Variants in ANK3 observed in about 807,000 individuals in gnomAD.
The protein encoded by ANK3 is ankyrin-3.
A neutral mutation model predicts 370.9 loss-of-function variants in ANK3; 57 were observed. The observed-to-expected ratio is 0.15, with a 90% confidence interval of 0.12 to 0.19. ANK3 has a LOEUF of 0.19. Ranked by LOEUF, ANK3 falls within the 10% of genes least tolerant of loss-of-function variation. ANK3 has a pLI of 1.00. For synonymous variants in ANK3, 1,929 were observed against 1,946.3 expected, an observed-to-expected ratio of 0.99 and a Z score of 0.23; for missense variants, 4,439 against 5,302.1, an observed-to-expected ratio of 0.84 and a Z score of 5.06.
chr10:60,302,414 A>G (rs1490157179), intron 1 of ANK3, among the ~76,000 whole-genome samples: 1 of 152,212 alleles, frequency 6.6e-6, no homozygotes, highest in East Asian at 1.9e-4. Context: ...ATGATATATT[A>G]TATCAGCTAT....
In ANK3 at chr10:60,076,455, C is replaced by A; in HGVS notation, c.4433-7G>T. 6.5e-7 allele frequency: 1 copy of A among 1,543,488 alleles called. No homozygotes were observed. On this transcript the variant is annotated splice_region_variant and splice_polypyrimidine_tract_variant and intron_variant, in intron 36 of 43. Coordinates refer to ENST00000280772, the MANE Select transcript of ANK3 (RefSeq NM_020987.5). ...GCTCCTGTACTCCGTTCAACTGTTT[C>A]TTAAATTTTAAAATGAAATCAAACA... is the stretch of plus-strand genomic sequence containing the variant.
intron 1 of ANK3, among the ~76,000 whole-genome samples, chr10:60,280,362 A>T (rs2098142860): frequency 6.6e-6 from 1 of 152,116 alleles, no homozygotes; most frequent in South Asian, 2.1e-4. Context: ...AACCCATTAT[A>T]TGTTGTACTT....
chr10:60,299,583 C>T (rs2043256476), intron 1 of ANK3, among the ~76,000 whole-genome samples: 1 of 152,112 alleles, frequency 6.6e-6, no homozygotes, highest in South Asian at 2.1e-4. Flanking sequence ...AACAAGAGAT[C>T]ACATGACCAT....
intron 2 of ANK3, among the ~76,000 whole-genome samples, chr10:60,594,156 C>T (rs1421431427): frequency 1.3e-5 from 2 of 152,104 alleles, no homozygotes; most frequent in East Asian, 3.9e-4. Flanking sequence ...ATCAGTTTCT[C>T]TTCCTCTTCT....
intron 1 of ANK3, among the ~76,000 whole-genome samples, chr10:60,729,585 T>A (rs1480662177): frequency 2.0e-5 from 3 of 152,152 alleles, no homozygotes; most frequent in Non-Finnish European, 4.4e-5. Flanking sequence ...TCTCTTAACA[T>A]CATCTGAAAA....
chr10:60,625,578 G>A (rs2078398144), intron 1 of ANK3, among the ~76,000 whole-genome samples: 1 of 152,128 alleles, frequency 6.6e-6, no homozygotes, highest in African/African-American at 2.4e-5. Context: ...TATGTGTTAA[G>A]GAGCCACTAG....
chr10:60,073,688 G>C lies in ANK3; in HGVS notation c.7193C>G (p.Thr2398Ser). 2 of 1,614,094 alleles carry C rather than the reference G, an allele frequency of 1.2e-6. No homozygotes were observed. Among genetic ancestry groups the C allele is most frequent in the Non-Finnish European group, 1.7e-6 (2 of 1,180,002 alleles). The change falls in exon 37 of 44, where the codon ACT becomes AGT. Residue 2398 changes from threonine (T) to serine (S), a missense_variant. By Grantham distance (58) the Thr-to-Ser change is moderately conservative. Transcript: ENST00000280772. ...EQGQQEEEEL[T>S]AEESLPSYLE... ...ATAAGAAGGCAATGACTCTTCAGCAGTAAGTTCTTCTTCTTCTTGCTGACC... is the reference window on the plus strand; with the variant it reads ...ATAAGAAGGCAATGACTCTTCAGCACTAAGTTCTTCTTCTTCTTGCTGACC...
At chr10:60,639,260 A>G (rs2078596564) in intron 1 of ANK3, among the ~76,000 whole-genome samples, 1 of 151,668 alleles carries the variant, frequency 6.6e-6, no homozygotes, top group South Asian at 2.1e-4. Flanking sequence ...ATAGAATTCT[A>G]TATTCAGCAA....
At chr10:60,182,427 A>G (rs2096220732) in intron 17 of ANK3, among the ~76,000 whole-genome samples, 1 of 152,218 alleles carries the variant, frequency 6.6e-6, no homozygotes, top group South Asian at 2.1e-4. Flanking sequence ...AATTACTAAG[A>G]TTATACTCCG....
intron 23 of ANK3, among the ~76,000 whole-genome samples, chr10:60,151,628 TGCTTC>T (rs908533034): frequency 1.2e-4 from 18 of 152,194 alleles, no homozygotes; most frequent in African/African-American, 3.9e-4. Flanking sequence ...TCAGCCACCA[TGCTTC>T]TTGTACAGCC....
At chr10:60,087,662 A>G (rs1210336550) in intron 29 of ANK3, among the ~76,000 whole-genome samples, 1 of 152,270 alleles carries the variant, frequency 6.6e-6, no homozygotes, top group East Asian at 1.9e-4. Flanking sequence ...AAAAAGAACT[A>G]AAGTCTAGCT....
At chr10:60,059,533 G>T in intron 40 of ANK3, 103 bp from the exon 41 acceptor site, 1 of 1,258,522 alleles carries the variant, frequency 7.9e-7, no homozygotes, top group Non-Finnish European at 1.2e-6. Flanking sequence ...TCTTCAAGTT[G>T]AATGTCCTCA....
chr10:60,656,480 T>TA (rs2078865891), intron 1 of ANK3, among the ~76,000 whole-genome samples: 1 of 152,176 alleles, frequency 6.6e-6, no homozygotes, highest in African/African-American at 2.4e-5. Context: ...GATTTCCCTC[T>TA]ATGGTTTGTC....
chr10:60,171,427 T>A (rs994408143), intron 21 of ANK3, among the ~76,000 whole-genome samples: 6 of 152,206 alleles, frequency 3.9e-5, no homozygotes, highest in Non-Finnish European at 8.8e-5. Context: ...GTATACAAAC[T>A]AATTTGCAGA....
intron 28 of ANK3, among the ~76,000 whole-genome samples, chr10:60,103,977 A>G (rs2091752737): frequency 6.6e-6 from 1 of 152,154 alleles, no homozygotes; most frequent in African/African-American, 2.4e-5. Flanking sequence ...TTAGCAAACT[A>G]ATGCAGGAAC....
intron 2 of ANK3, among the ~76,000 whole-genome samples, chr10:60,591,305 T>TTATTTATTTATA (rs2077909020): frequency 2.7e-5 from 1 of 36,952 alleles, no homozygotes; most frequent in South Asian, 1.0e-3. Flanking sequence ...TATTTTTATT[T>TTATTTATTTATA]TATTTATTTA....
intron 2 of ANK3, among the ~76,000 whole-genome samples, chr10:60,610,347 CT>C (rs1170366293): frequency 1.3e-5 from 2 of 151,842 alleles, no homozygotes; most frequent in Non-Finnish European, 2.9e-5. Flanking sequence ...CCCTGTCTCT[CT>C]TAAAAATACC....
intron 7 of ANK3, among the ~76,000 whole-genome samples, chr10:60,239,599 C>G (rs187838760): frequency 6.6e-6 from 1 of 151,994 alleles, no homozygotes; most frequent in African/African-American, 2.4e-5. Context: ...ATCAGCAGAC[C>G]TGCAATACAT....
rs2062923019 is a variant in ANK3, at chr10:60,389,632, A to C, written c.-94T>G. 9.7e-6 allele frequency: 15 copies of C among 1,545,126 alleles called. No individual in the cohort carries two copies. The South Asian group carries it at 1.9e-4, about 19-fold the overall frequency. On this transcript the variant is annotated 5_prime_UTR_variant, in exon 1 of 44. The change creates a new upstream start codon in the 5' untranslated region. Coordinates refer to ENST00000280772, the MANE Select transcript of ANK3 (RefSeq NM_020987.5). Reference sequence around the variant, plus strand: ...CTAATCAGGCTTACAGCAGCATTCCAATCACTAGAGAGAAAGCTTTGACTA... The same window carrying C: ...CTAATCAGGCTTACAGCAGCATTCCCATCACTAGAGAGAAAGCTTTGACTA...
Sources: gnomAD v4.1 joint callset for allele counts (sites outside exome capture counted in the v4.1 genomes callset) on GRCh38, gnomAD v4.1.1 for gene constraint, MANE v1.5 for transcripts, NCBI Gene and HGNC (gene_info 2026-07-23, HGNC 2026-07-21) for gene names.